ADCY2: variants seen among roughly 807,000 people sequenced by gnomAD.
The protein encoded by ADCY2 is adenylate cyclase 2.
ADCY2 carries 31 observed loss-of-function variants against 125.2 expected under a neutral mutation model. The ratio of observed to expected loss-of-function variants is 0.25; its 90% CI spans 0.19 to 0.33. The LOEUF (loss-of-function observed/expected upper bound fraction) is 0.33. Among genes scored for constraint, ADCY2 ranks in the 10% least tolerant of loss-of-function variants. The pLI is 1.00. For synonymous variants in ADCY2, 512 were observed against 548.4 expected (o/e 0.93, Z 0.93); for missense variants, 904 against 1,418.2 (o/e 0.64, Z 5.82).
chr5:7,533,308 C>A (rs987104616), intron 3 of ADCY2, among the ~76,000 whole-genome samples: 2 of 151,494 alleles, frequency 1.3e-5, no homozygotes, highest in Admixed American at 1.3e-4. Flanking sequence ...TGTTAATTCC[C>A]TCTGTATTTG....
intron 20 of ADCY2, chr5:7,801,481 G>A (rs1355572990): frequency 6.6e-6 from 1 of 152,234 alleles, no homozygotes; most frequent in East Asian, 1.9e-4. Flanking sequence ...TGGAAGGGCA[G>A]ATCCTCCACA....
intron 2 of ADCY2, among the ~76,000 whole-genome samples, chr5:7,508,449 T>G (rs1472914330): frequency 6.6e-6 from 1 of 152,184 alleles, no homozygotes; most frequent in Admixed American, 6.5e-5. Context: ...AGAATTTGGT[T>G]TGGGTCCAGA....
chr5:7,440,406 T>C (rs1561026764), intron 2 of ADCY2, among the ~76,000 whole-genome samples: 1 of 152,234 alleles, frequency 6.6e-6, no homozygotes, highest in East Asian at 1.9e-4. Flanking sequence ...GCCTTTCAAG[T>C]ATTTTTTCCC....
chr5:7,506,005 C>T (rs187957101), intron 2 of ADCY2, among the ~76,000 whole-genome samples: 1 of 148,466 alleles, frequency 6.7e-6, no homozygotes, highest in East Asian at 2.0e-4. Context: ...TTTTTCCCCA[C>T]TTCTGAGATG....
intron 20 of ADCY2, among the ~76,000 whole-genome samples, chr5:7,792,658 C>T (rs938533141): frequency 1.3e-5 from 2 of 152,168 alleles, no homozygotes; most frequent in Admixed American, 1.3e-4. Context: ...TCTAAGCAAG[C>T]ATCAGAATAC....
chr5:7,433,280 C>T (rs1382749731), intron 2 of ADCY2, among the ~76,000 whole-genome samples: 3 of 152,120 alleles, frequency 2.0e-5, no homozygotes, highest in Non-Finnish European at 4.4e-5. Flanking sequence ...ATCAAGTTTA[C>T]TTAAGGAGGA....
At position 7,825,089 on chromosome 5, in the gene ADCY2, G is replaced by A. The variant is rs576148625; in HGVS notation, c.3124-1630G>A. Among the ~76,000 whole-genome samples, 17 of 151,446 alleles carry A rather than the reference G, an allele frequency of 1.1e-4. No individual in the cohort carries two copies. The East Asian group carries it at 2.6e-3, about 23-fold the overall frequency. ...CAATGCTGCTGTGTGCCATAACAGC[G>A]CTGCAGTGTGCCACAACACTGCTAT... On this transcript the variant is annotated intron_variant, in intron 24 of 24. Coordinates refer to ENST00000338316, the MANE Select transcript of ADCY2 (RefSeq NM_020546.3).
rs199773760 is a variant in ADCY2, at chr5:7,789,761, C to G, written c.2589C>G (p.His863Gln). 2 of 1,365,584 alleles carry G rather than the reference C, an allele frequency of 1.5e-6. No individual in the cohort carries two copies. Among genetic ancestry groups the G allele is most frequent in the Non-Finnish European group, 1.9e-6 (2 of 1,025,720 alleles). The allele number at this position is 1,365,584 out of a possible 1,614,324, so 84.6% of individuals were successfully genotyped here. Residue 863 changes from histidine (H) to glutamine (Q), a missense_variant, in exon 20 of 25, where the codon CAC becomes CAG. Around this residue, in one of 7 missense-constraint regions of ADCY2, gnomAD observed 181 missense variants for 381.6 expected, o/e 0.47. Transcript: ENST00000338316. Reference sequence around the variant, plus strand: ...TGCTGGAGAACGTGCTTCCCGCGCACGTGGCTGAGCACTTCCTGGCCAGGA... The same window carrying G: ...TGCTGGAGAACGTGCTTCCCGCGCAGGTGGCTGAGCACTTCCTGGCCAGGA... Reference protein sequence around the residue: ...RVLLENVLPAHVAEHFLARSL... With the variant: ...RVLLENVLPAQVAEHFLARSL...
intron 14 of ADCY2, among the ~76,000 whole-genome samples, chr5:7,743,410 T>C (rs1315002411): frequency 2.0e-5 from 3 of 151,808 alleles, no homozygotes; most frequent in African/African-American, 7.3e-5. Context: ...TTAAAAAGAT[T>C]CTTTATCCTT....
intron 3 of ADCY2, among the ~76,000 whole-genome samples, chr5:7,554,565 G>A (rs941792763): frequency 6.6e-6 from 1 of 152,096 alleles, no homozygotes; most frequent in African/African-American, 2.4e-5. Context: ...CTCTTTGTAA[G>A]CTCATGAGAC....
At chr5:7,612,629 G>A (rs534600968) in intron 3 of ADCY2, among the ~76,000 whole-genome samples, 12 of 152,304 alleles carry the variant, frequency 7.9e-5, no homozygotes, top group Admixed American at 2.0e-4. Context: ...TGGCTGCTCC[G>A]GGAGGGGGTA....
chr5:7,733,407 AG>A (rs371515068), intron 14 of ADCY2, among the ~76,000 whole-genome samples: 14 of 152,284 alleles, frequency 9.2e-5, no homozygotes, highest in African/African-American at 3.4e-4. Context: ...TAAGTTTTGC[AG>A]GGTTTTTAAT....
intron 2 of ADCY2, among the ~76,000 whole-genome samples, chr5:7,457,360 G>C (rs566839263): frequency 6.6e-6 from 1 of 152,160 alleles, no homozygotes; most frequent in Non-Finnish European, 1.5e-5. Flanking sequence ...CTGCTATTTA[G>C]TTGGGTGCTG....
intron 2 of ADCY2, among the ~76,000 whole-genome samples, chr5:7,508,440 G>C (rs1743929443): frequency 6.6e-6 from 1 of 152,150 alleles, no homozygotes; most frequent in Non-Finnish European, 1.5e-5. Flanking sequence ...ATGAACTCCA[G>C]AATTTGGTTT....
chr5:7,763,197 C>T (rs1385638627), intron 16 of ADCY2, among the ~76,000 whole-genome samples: 5 of 152,122 alleles, frequency 3.3e-5, no homozygotes, highest in African/African-American at 7.2e-5. Flanking sequence ...GGGTTCACGC[C>T]ATTCTGCCTC....
chr5:7,816,801 C>T, intron 22 of ADCY2, 65 bp from the exon 23 acceptor site: 1 of 1,359,490 alleles, frequency 7.4e-7, no homozygotes, highest in Non-Finnish European at 1.1e-6. Flanking sequence ...AGGTTTGGGA[C>T]AAAGGGGAAC....
In ADCY2 at chr5:7,704,864, T is replaced by C. The variant is rs938978761; in HGVS notation, c.1110-1880T>C. Among the ~76,000 whole-genome samples the C allele has an allele frequency of 6.9e-5, 10 of 145,174 alleles. No individual in the cohort carries two copies. In the South Asian group the frequency reaches 8.6e-4, roughly 12 times the overall value. ...CTGCACTCCAACCTGGGTGACAGAG[T>C]GAGACTCCATCTCCAAAAAAAAAAA... On this transcript the variant is annotated intron_variant, in intron 7 of 24. Coordinates refer to ENST00000338316, the MANE Select transcript of ADCY2 (RefSeq NM_020546.3).
chr5:7,627,912 A>C (rs1469336979), intron 4 of ADCY2, among the ~76,000 whole-genome samples: 2 of 152,232 alleles, frequency 1.3e-5, no homozygotes, highest in African/African-American at 4.8e-5. Flanking sequence ...TTTTTAAAAA[A>C]TACATTTTGT....
At chr5:7,431,659 A>C (rs1034443232) in intron 2 of ADCY2, among the ~76,000 whole-genome samples, 4 of 152,046 alleles carry the variant, frequency 2.6e-5, no homozygotes, top group African/African-American at 4.8e-5. Flanking sequence ...GCAGGAAAAA[A>C]TAGTTGCAAA....
Sources: gnomAD v4.1 joint callset for allele counts (sites outside exome capture counted in the v4.1 genomes callset) on GRCh38, gnomAD v4.1.1 for gene constraint, gnomAD v4.1.1 regional missense constraint, MANE v1.5 for transcripts, NCBI Gene and HGNC (gene_info 2026-07-23, HGNC 2026-07-21) for gene names.